The following IGSF21 variants were observed in gnomAD, a reference collection of about 807,000 sequenced individuals.
The protein encoded by IGSF21 is immunoglobulin superfamily member 21.
IGSF21 carries 28 observed loss-of-function variants against 46.8 expected under a neutral mutation model. The observed-to-expected ratio is 0.60, with a 90% CI of 0.44 to 0.82. IGSF21 has a LOEUF of 0.82. Among genes scored for constraint, IGSF21 ranks in the 40% least tolerant of loss-of-function variants. The probability of loss-of-function intolerance (pLI) is 0.00; values close to 1 mark genes in which losing one functional copy is unlikely to be tolerated. For missense variants in IGSF21, 624 were observed against 665.5 expected (o/e 0.94, Z 0.69); for synonymous variants, 284 against 273.6 (o/e 1.04, Z -0.38).
intron 3 of IGSF21, among the ~76,000 whole-genome samples, chr1:18,315,547 T>TAATGGATGGATG (rs1553162963): frequency 4.7e-5 from 7 of 149,380 alleles, no homozygotes; most frequent in African/African-American, 1.7e-4. Flanking sequence ...AGTGGATGGA[T>TAATGGATGGATG]GATGGATGGA....
intron 1 of IGSF21, among the ~76,000 whole-genome samples, chr1:18,187,599 G>A (rs2086916177): frequency 6.6e-6 from 1 of 152,036 alleles, no homozygotes. Context: ...TCTCCCACTG[G>A]GACCCTCCCA....
chr1:18,209,839 G>C (rs1236846814), intron 1 of IGSF21, among the ~76,000 whole-genome samples: 1 of 151,978 alleles, frequency 6.6e-6, no homozygotes. Context: ...CTTGTCCCTG[G>C]AGACAAACCT....
intron 3 of IGSF21, among the ~76,000 whole-genome samples, chr1:18,314,796 G>A (rs1053616585): frequency 2.0e-5 from 3 of 152,144 alleles, no homozygotes; most frequent in Admixed American, 6.5e-5. Flanking sequence ...TTTCTTGAGC[G>A]GTGGGAGGGG....
intron 1 of IGSF21, among the ~76,000 whole-genome samples, chr1:18,147,112 C>T (rs2086477585): frequency 6.6e-6 from 1 of 152,202 alleles, no homozygotes; most frequent in South Asian, 2.1e-4. Context: ...CCTGCCATAG[C>T]CTCCCTGCTG....
intron 1 of IGSF21, among the ~76,000 whole-genome samples, chr1:18,153,985 T>C (rs1321285296): frequency 6.6e-6 from 1 of 152,142 alleles, no homozygotes; most frequent in Non-Finnish European, 1.5e-5. Flanking sequence ...CACAGTGATT[T>C]AATTGTAGGA....
chr1:18,150,597 C>T (rs565182625), intron 1 of IGSF21, among the ~76,000 whole-genome samples: 74 of 152,276 alleles, frequency 4.9e-4, no homozygotes, highest in African/African-American at 1.6e-3. Context: ...TAGGCGAGAC[C>T]GGTAACTTCA....
intron 1 of IGSF21, among the ~76,000 whole-genome samples, chr1:18,201,580 C>T (rs553302352): frequency 6.6e-6 from 1 of 152,280 alleles, no homozygotes; most frequent in African/African-American, 2.4e-5. Context: ...ATTCCTCCTT[C>T]ACGCTGGTGA....
chr1:18,174,405 T>C (rs537923322), intron 1 of IGSF21, among the ~76,000 whole-genome samples: 11 of 152,294 alleles, frequency 7.2e-5, no homozygotes, highest in East Asian at 5.8e-4. Context: ...CCGCTGCTGA[T>C]GAAATGAAGC....
intron 1 of IGSF21, chr1:18,166,918 G>C (rs2086684686): frequency 6.5e-6 from 1 of 153,278 alleles, no homozygotes; most frequent in African/African-American, 2.4e-5. Context: ...GGAAAGGAGA[G>C]ATCACCTTCA....
At chr1:18,117,977 G>A (rs1337304986) in intron 1 of IGSF21, among the ~76,000 whole-genome samples, 3 of 152,326 alleles carry the variant, frequency 2.0e-5, no homozygotes, top group South Asian at 2.1e-4. Context: ...TTGGCCAGGT[G>A]GACCCACCAC....
chr1:18,289,924 G>A (rs1394253623), intron 2 of IGSF21, among the ~76,000 whole-genome samples: 1 of 152,192 alleles, frequency 6.6e-6, no homozygotes, highest in Non-Finnish European at 1.5e-5. Context: ...GAGGGTGCAT[G>A]GAGAATGGGG....
chr1:18,200,358 A>G (rs1460056395), intron 1 of IGSF21, among the ~76,000 whole-genome samples: 1 of 152,208 alleles, frequency 6.6e-6, no homozygotes, highest in African/African-American at 2.4e-5. Context: ...ACAGTGACTT[A>G]AAACAGCAGA....
chr1:18,164,720 A>C (rs1207746095), intron 1 of IGSF21, among the ~76,000 whole-genome samples: 1 of 150,800 alleles, frequency 6.6e-6, no homozygotes, highest in Non-Finnish European at 1.5e-5. Context: ...CTTTGTTGGT[A>C]TTTTTTCTTT....
intron 2 of IGSF21, among the ~76,000 whole-genome samples, chr1:18,284,591 T>G (rs775014038): frequency 1.3e-5 from 2 of 152,206 alleles, no homozygotes; most frequent in African/African-American, 2.4e-5. Context: ...TTAATATCCC[T>G]CGCGTTACAG....
At chr1:18,314,582 C>G (rs1480138377) in intron 3 of IGSF21, among the ~76,000 whole-genome samples, 1 of 152,184 alleles carries the variant, frequency 6.6e-6, no homozygotes, top group African/African-American at 2.4e-5. Flanking sequence ...CTCTCATGAT[C>G]CCTGCTTTGC....
chr1:18,269,045 C>T (rs922076583), intron 2 of IGSF21, among the ~76,000 whole-genome samples: 5 of 152,236 alleles, frequency 3.3e-5, no homozygotes, highest in Non-Finnish European at 7.3e-5. Flanking sequence ...TCGTCCAAAC[C>T]TCTTAATCCA....
At chr1:18,142,863 C>T (rs1247627299) in intron 1 of IGSF21, among the ~76,000 whole-genome samples, 4 of 152,192 alleles carry the variant, frequency 2.6e-5, no homozygotes, top group South Asian at 4.1e-4. Context: ...CAAGCAGGGG[C>T]GGCCTGTGGC....
intron 1 of IGSF21, among the ~76,000 whole-genome samples, chr1:18,142,918 A>G (rs2086430936): frequency 6.6e-6 from 1 of 152,142 alleles, no homozygotes; most frequent in African/African-American, 2.4e-5. Context: ...GAAGGGTCCA[A>G]TCATGACCTG....
intron 3 of IGSF21, among the ~76,000 whole-genome samples, chr1:18,311,827 G>T (rs546271039): frequency 2.6e-5 from 4 of 152,148 alleles, no homozygotes; most frequent in Admixed American, 6.5e-5. Context: ...AGAACAGTGT[G>T]GGGGGAATAG....
Sources: allele counts gnomAD v4.1 joint callset (sites outside exome capture counted in the v4.1 genomes callset), GRCh38; gene constraint gnomAD v4.1.1; transcripts MANE v1.5; gene names NCBI Gene and HGNC (gene_info 2026-07-23, HGNC 2026-07-21).